The following PPP2R3A variants were observed in gnomAD, a reference collection of about 807,000 sequenced individuals.
PPP2R3A encodes serine/threonine-protein phosphatase 2A regulatory subunit B'' subunit alpha.
PPP2R3A carries 80 observed loss-of-function variants against 106.9 expected under a neutral mutation model. The observed-to-expected ratio is 0.75, with a 90% CI of 0.62 to 0.90. The LOEUF (loss-of-function observed/expected upper bound fraction) is 0.90. PPP2R3A is among the 40% of genes least tolerant of loss of function. PPP2R3A has a pLI of 0.00. For synonymous variants in PPP2R3A, 483 were observed against 468.3 expected, an observed-to-expected ratio of 1.03 and a Z score of -0.41; for missense variants, 1,386 against 1,350.4, an observed-to-expected ratio of 1.03 and a Z score of -0.41.
Position 136,096,950 on chromosome 3 carries a change from C to T in PPP2R3A, c.2928-5057C>T, listed in dbSNP as rs112954286. On this transcript the variant is annotated intron_variant, in intron 10 of 13. Transcript: ENST00000264977. ...TGTCACTGCACTCCAGCCTGGGTGA[C>T]AGAGCGAGACTTTGTCTCACACACA... Among the ~76,000 whole-genome samples the T allele has an allele frequency of 7.1e-3, 1,080 of 152,068 alleles. 21 individuals carry two copies. Among genetic ancestry groups the T allele is most frequent in the African/African-American group, 0.024 (974 of 41,322 alleles).
At chr3:136,030,772 ATATATATATGTATGTATG>A (rs1479516805) in intron 3 of PPP2R3A, among the ~76,000 whole-genome samples, 2 of 121,586 alleles carry the variant, frequency 1.6e-5, no homozygotes, top group African/African-American at 4.2e-5. Flanking sequence ...ATATATATAT[ATATATATATGTATGTATG>A]TATGTATGTA....
At position 136,023,141 on chromosome 3, in the gene PPP2R3A, C is replaced by T. The variant is rs754914175; in HGVS notation, c.1996-3691C>T. ...GAGAGCTAGCTTTCCTGGCAAGGGG[C>T]TGTGATTTTGTTCTCCCTTCACGGT... On this transcript the variant is annotated intron_variant, in intron 2 of 13. Coordinates refer to ENST00000264977, the MANE Select transcript of PPP2R3A (RefSeq NM_002718.5). 5.0e-6 allele frequency: 8 copies of T among 1,613,450 alleles called. No individual in the cohort carries two copies. The East Asian group carries it at 1.8e-4, about 36-fold the overall frequency.
In PPP2R3A at chr3:136,030,763, T is replaced by C. The variant is rs983243833; in HGVS notation, c.2262+3665T>C. Among the ~76,000 whole-genome samples the C allele has an allele frequency of 4.9e-4, 52 of 106,280 alleles. 1 individual carries two copies. The highest frequency in any genetic ancestry group is 1.8e-3 in the African/African-American group (37 of 20,736). The allele number at this position is 106,280 out of a possible 152,430, so 69.7% of individuals were successfully genotyped here. On this transcript the variant is annotated intron_variant, in intron 3 of 13. Transcript: ENST00000264977. ...TATGGCTGAGTAGTATTCCATCACATATATATATATATATATATGTATGTA... is the reference window on the plus strand; with the variant it reads ...TATGGCTGAGTAGTATTCCATCACACATATATATATATATATATGTATGTA...
Position 136,103,328 on chromosome 3 carries a change from G to A in PPP2R3A, c.3174G>A (p.Leu1058=), listed in dbSNP as rs760275269. Residue 1058 remains leucine, a synonymous_variant, in exon 12 of 14, where the codon CTG becomes CTA. Transcript: ENST00000264977. ...TCTTCTATGACACTTTCTTTAATCT[G>A]GAGAAATACTTAGACCATGAACAGA... The part of the protein sequence containing the change: ...AHIFYDTFFN[L]EKYLDHEQRD... The A allele has an allele frequency of 7.5e-6, 12 of 1,609,930 alleles. No homozygotes were observed. Among genetic ancestry groups the A allele is most frequent in the Middle Eastern group, 1.6e-4 (1 of 6,076 alleles).
chr3:136,056,378 A>G (rs970465808), intron 5 of PPP2R3A, among the ~76,000 whole-genome samples: 1 of 152,226 alleles, frequency 6.6e-6, no homozygotes, highest in Non-Finnish European at 1.5e-5. Flanking sequence ...CAAGTGGACC[A>G]TATAGTAAGT....
intron 11 of PPP2R3A, 112 bp downstream of exon 11, chr3:136,102,294 C>A: frequency 8.7e-7 from 1 of 1,150,412 alleles, no homozygotes; most frequent in African/African-American, 1.6e-5. Context: ...TAGAAGACTT[C>A]CTAGGACAGA....
intron 2 of PPP2R3A, among the ~76,000 whole-genome samples, chr3:136,021,437 C>T (rs1934462206): frequency 6.6e-6 from 1 of 152,026 alleles, no homozygotes; most frequent in African/African-American, 2.4e-5. Context: ...TTCTTTAAAA[C>T]ACAGCTTTAG....
chr3:136,074,057 A>G (rs996734146), intron 6 of PPP2R3A, among the ~76,000 whole-genome samples: 6 of 152,190 alleles, frequency 3.9e-5, no homozygotes, highest in South Asian at 2.1e-4. Flanking sequence ...ATGTGACTCT[A>G]TTGAATGTTA....
At chr3:136,015,759 G>T (rs892582379) in intron 2 of PPP2R3A, among the ~76,000 whole-genome samples, 3 of 151,778 alleles carry the variant, frequency 2.0e-5, no homozygotes, top group Non-Finnish European at 4.4e-5. Flanking sequence ...TATTTTCAAA[G>T]AACCAGCTTT....
intron 13 of PPP2R3A, among the ~76,000 whole-genome samples, chr3:136,117,655 T>C: frequency 6.6e-6 from 1 of 152,186 alleles, no homozygotes; most frequent in East Asian, 1.9e-4. Context: ...CCTGGACACA[T>C]ACACCCTCCC....
chr3:136,141,002 A>G (rs568237446), intron 13 of PPP2R3A, among the ~76,000 whole-genome samples: 2 of 152,354 alleles, frequency 1.3e-5, no homozygotes, highest in South Asian at 4.1e-4. Context: ...ACATTGTTTC[A>G]CAAGAGCATT....
In PPP2R3A at chr3:136,018,746, GA is replaced by G. The variant is rs943713849; in HGVS notation, c.1996-8078del. Among the ~76,000 whole-genome samples, 808 of 151,852 alleles carry G rather than the reference GA, an allele frequency of 5.3e-3. 12 individuals carry two copies. Among genetic ancestry groups the G allele is most frequent in the African/African-American group, 0.019 (768 of 41,448 alleles). On this transcript the variant is annotated intron_variant, in intron 2 of 13. Transcript: ENST00000264977. ...GGATATTAGAGGCTATCCTAAAAAA[GA>G]AAAAAAATATTTAGTTTTTAGGGTC... is the stretch of plus-strand genomic sequence containing the variant.
At chr3:136,006,505 C>T (rs866180600) in intron 2 of PPP2R3A, among the ~76,000 whole-genome samples, 3 of 152,024 alleles carry the variant, frequency 2.0e-5, no homozygotes, top group Non-Finnish European at 4.4e-5. Context: ...GTCTTATTTG[C>T]CCTTTGCAAG....
At chr3:136,135,833 G>T (rs1938590888) in intron 13 of PPP2R3A, among the ~76,000 whole-genome samples, 1 of 151,852 alleles carries the variant, frequency 6.6e-6, no homozygotes, top group African/African-American at 2.4e-5. Context: ...GGCAGATGAG[G>T]CCAGGAGTTC....
At chr3:135,988,483 C>T (rs1050658568) in intron 1 of PPP2R3A, among the ~76,000 whole-genome samples, 1 of 152,088 alleles carries the variant, frequency 6.6e-6, no homozygotes, top group Admixed American at 6.6e-5. Context: ...GTAGTCTGTT[C>T]TCATCCTAAC....
chr3:136,016,397 C>T (rs1211339911), intron 2 of PPP2R3A, among the ~76,000 whole-genome samples: 1 of 152,096 alleles, frequency 6.6e-6, no homozygotes, highest in Non-Finnish European at 1.5e-5. Context: ...GATGACCTGT[C>T]TAGTGCATTC....
At position 136,030,780 on chromosome 3, in the gene PPP2R3A, ATGTATGTATGTATG is replaced by A. The variant is rs1285849241; in HGVS notation, c.2262+3684_2262+3697del. 4.0e-3 allele frequency among the ~76,000 whole-genome samples: 364 copies of A among 91,056 alleles called. 1 individual carries two copies. Among genetic ancestry groups the A allele is most frequent in the African/African-American group, 0.013 (329 of 26,280 alleles). The allele number at this position is 91,056 out of a possible 152,430, so 59.7% of individuals were successfully genotyped here. ...CCATCACATATATATATATATATATATGTATGTATGTATGTATGTATGTATGTATGTATGTATGT... is the reference window on the plus strand; with the variant it reads ...CCATCACATATATATATATATATATATATGTATGTATGTATGTATGTATGT... On this transcript the variant is annotated intron_variant, in intron 3 of 13. Transcript: ENST00000264977.
intron 13 of PPP2R3A, among the ~76,000 whole-genome samples, chr3:136,117,190 G>A (rs916529066): frequency 7.2e-5 from 11 of 152,152 alleles, no homozygotes; most frequent in Non-Finnish European, 1.5e-4. Context: ...TGAAACCAAT[G>A]AGAACAAAGA....
At chr3:136,128,926 C>T (rs191040805) in intron 13 of PPP2R3A, among the ~76,000 whole-genome samples, 2 of 152,068 alleles carry the variant, frequency 1.3e-5, no homozygotes, top group African/African-American at 4.8e-5. Context: ...CTACTGGGTA[C>T]ATAACGAAAT....
Sources: allele counts gnomAD v4.1 joint callset (sites outside exome capture counted in the v4.1 genomes callset), GRCh38; gene constraint gnomAD v4.1.1; transcripts MANE v1.5; gene names NCBI Gene and HGNC (gene_info 2026-07-23, HGNC 2026-07-21).